Variants in OR9Q1 observed in about 807,000 individuals in gnomAD.
OR9Q1 encodes the protein olfactory receptor family 9 subfamily Q member 1.
For synonymous variants in OR9Q1, 153 were observed against 148.6 expected, an observed-to-expected ratio of 1.03 and a Z score of -0.22; for missense variants, 374 against 378.8, an observed-to-expected ratio of 0.99 and a Z score of 0.11.
chr11:58,091,668 T>C (rs1853685476), intron 2 of OR9Q1, among the ~76,000 whole-genome samples: 1 of 152,226 alleles, frequency 6.6e-6, no homozygotes, highest in South Asian at 2.1e-4. Flanking sequence ...GCCCTCTTGG[T>C]GCAGAGCTGA....
At chr11:58,131,306 G>C (rs1013310782) in intron 2 of OR9Q1, among the ~76,000 whole-genome samples, 1 of 152,312 alleles carries the variant, frequency 6.6e-6, no homozygotes, top group African/African-American at 2.4e-5. Flanking sequence ...GGACAGGACT[G>C]TGTCATCAGT....
chr11:58,072,064 A>T (rs1218721656), intron 2 of OR9Q1, among the ~76,000 whole-genome samples: 1 of 152,174 alleles, frequency 6.6e-6, no homozygotes, highest in African/African-American at 2.4e-5. Context: ...ACTTAAAATA[A>T]AAGTTAAAAA....
intron 2 of OR9Q1, chr11:58,072,667 A>T (rs1054182673): frequency 1.0e-4 from 16 of 155,138 alleles, no homozygotes; most frequent in Non-Finnish European, 2.1e-4. Context: ...TTAGTCTTCC[A>T]AATAACATGA....
At chr11:58,135,920 C>T (rs538560536) in intron 2 of OR9Q1, among the ~76,000 whole-genome samples, 6 of 152,292 alleles carry the variant, frequency 3.9e-5, no homozygotes, top group Non-Finnish European at 7.4e-5. Flanking sequence ...ATCATCTTCC[C>T]ATGCACTTTC....
At chr11:58,041,182 T>C (rs1024465304) in intron 1 of OR9Q1, 2 of 152,606 alleles carry the variant, frequency 1.3e-5, no homozygotes, top group African/African-American at 4.8e-5. Flanking sequence ...GAGGGGGCCA[T>C]CTGGTCACCC....
At chr11:58,122,286 T>G (rs925659343) in intron 2 of OR9Q1, among the ~76,000 whole-genome samples, 3 of 152,164 alleles carry the variant, frequency 2.0e-5, no homozygotes, top group African/African-American at 7.2e-5. Context: ...GGCTATTCCA[T>G]CCACCTTGCT....
chr11:58,085,102 T>C (rs1853622401), intron 2 of OR9Q1, among the ~76,000 whole-genome samples: 1 of 151,968 alleles, frequency 6.6e-6, no homozygotes, highest in African/African-American at 2.4e-5. Flanking sequence ...GCAAATCACC[T>C]TGTATTGATT....
intron 1 of OR9Q1, among the ~76,000 whole-genome samples, chr11:58,045,837 C>A (rs1186946166): frequency 6.6e-6 from 1 of 152,174 alleles, no homozygotes; most frequent in African/African-American, 2.4e-5. Flanking sequence ...TCCAGGGTGT[C>A]TAAACCTCAG....
chr11:58,113,486 T>C (rs929061022), intron 2 of OR9Q1, among the ~76,000 whole-genome samples: 1 of 152,152 alleles, frequency 6.6e-6, no homozygotes, highest in African/African-American at 2.4e-5. Flanking sequence ...ACCCCCCTCA[T>C]TGTACTCTCT....
chr11:58,045,067 T>G (rs1306821674), intron 1 of OR9Q1: 1 of 152,202 alleles, frequency 6.6e-6, no homozygotes, highest in African/African-American at 2.4e-5. Context: ...AAGTGGTATA[T>G]GAAACATAAA....
chr11:58,131,904 A>G (rs1411128006), intron 2 of OR9Q1, among the ~76,000 whole-genome samples: 1 of 152,190 alleles, frequency 6.6e-6, no homozygotes, highest in African/African-American at 2.4e-5. Context: ...AAAAGGCAAT[A>G]TAAACTTTGA....
intron 2 of OR9Q1, among the ~76,000 whole-genome samples, chr11:58,091,268 G>A (rs948218364): frequency 2.0e-5 from 3 of 152,046 alleles, no homozygotes; most frequent in Non-Finnish European, 4.4e-5. Flanking sequence ...CCAGCTTTCT[G>A]TTGTAGGCAT....
At chr11:58,087,225 T>G (rs1853642045) in intron 2 of OR9Q1, among the ~76,000 whole-genome samples, 3 of 151,902 alleles carry the variant, frequency 2.0e-5, no homozygotes, top group East Asian at 1.9e-4. Flanking sequence ...TCTATATGAA[T>G]TTTTACAAAT....
chr11:58,162,768 C>A (rs560785056), intron 2 of OR9Q1, among the ~76,000 whole-genome samples: 156 of 152,186 alleles, frequency 1.0e-3, no homozygotes, highest in African/African-American at 3.5e-3. Flanking sequence ...AGGTGAGTGA[C>A]CTTGGGTAAC....
intron 2 of OR9Q1, chr11:58,077,774 C>T (rs1255704817): frequency 6.6e-6 from 1 of 152,174 alleles, no homozygotes; most frequent in Non-Finnish European, 1.5e-5. Context: ...TAATTGTCAT[C>T]ACAGAAGAAG....
chr11:58,144,818 TC>T (rs59033801), intron 2 of OR9Q1: 54,734 of 152,276 alleles, frequency 0.36, 11,727 homozygotes, highest in East Asian at 0.67. Context: ...ATTGAGTGTT[TC>T]CTTTTGGCTG....
chr11:58,151,698 C>A (rs1486908990), intron 2 of OR9Q1, among the ~76,000 whole-genome samples: 1 of 152,084 alleles, frequency 6.6e-6, no homozygotes, highest in African/African-American at 2.4e-5. Flanking sequence ...ACAACCAGTC[C>A]TTACTGAGAA....
chr11:58,132,934 A>G (rs1372684859), intron 2 of OR9Q1, among the ~76,000 whole-genome samples: 1 of 152,152 alleles, frequency 6.6e-6, no homozygotes, highest in Non-Finnish European at 1.5e-5. Context: ...AGTCTAGGAT[A>G]GGGCAGAGCT....
intron 2 of OR9Q1, among the ~76,000 whole-genome samples, chr11:58,172,571 A>C (rs1048814103): frequency 1.3e-5 from 2 of 152,194 alleles, no homozygotes; most frequent in African/African-American, 4.8e-5. Flanking sequence ...TCAAAATACC[A>C]AGAGATTTTA....
Sources: allele counts gnomAD v4.1 joint callset (sites outside exome capture counted in the v4.1 genomes callset), GRCh38; gene constraint gnomAD v4.1.1; transcripts MANE v1.5; gene names NCBI Gene and HGNC (gene_info 2026-07-23, HGNC 2026-07-21).